RELCH: variants seen among roughly 807,000 people sequenced by gnomAD.
RELCH encodes the protein RAB11-binding protein RELCH.
In RELCH, 41 loss-of-function variants were observed where a neutral mutation model predicts 150.3. The observed-to-expected ratio is 0.27, with a 90% confidence interval of 0.21 to 0.35. RELCH has a LOEUF of 0.35. Among genes scored for constraint, RELCH ranks in the 10% least tolerant of loss-of-function variants. The probability of loss-of-function intolerance (pLI) is 1.00; values close to 1 mark genes in which losing one functional copy is unlikely to be tolerated. For synonymous variants in RELCH, 478 were observed against 531.8 expected, an observed-to-expected ratio of 0.90 and a Z score of 1.39; for missense variants, 1,092 against 1,467.8, an observed-to-expected ratio of 0.74 and a Z score of 4.18.
intron 20 of RELCH, among the ~76,000 whole-genome samples, chr18:62,273,687 C>A (rs994224353): frequency 6.6e-6 from 1 of 152,108 alleles, no homozygotes; most frequent in African/African-American, 2.4e-5. Context: ...GACTGAGGAA[C>A]TGAATCTTTC....
In RELCH at chr18:62,248,613, T is replaced by TC. The variant is rs1386190457; in HGVS notation, c.1733+3740dup. ...GATTTCTCCTAAACATTCCCCTTTT[T>TC]CCCACAGATGAACTAGATACATTAT... is the stretch of plus-strand genomic sequence containing the variant. On this transcript the variant is annotated intron_variant, in intron 11 of 28. Transcript: ENST00000644646. 7.9e-5 allele frequency among the ~76,000 whole-genome samples: 12 copies of TC among 152,298 alleles called. No homozygotes were observed. The South Asian group carries it at 2.5e-3, about 32-fold the overall frequency.
Position 62,257,996 on chromosome 18 carries a change from A to C in RELCH, c.1945A>C (p.Met649Leu). 2 of 1,608,034 alleles carry C rather than the reference A, an allele frequency of 1.2e-6. No homozygotes were observed. The highest frequency in any genetic ancestry group is 1.1e-5 in the South Asian group (1 of 89,836). The part of the protein sequence containing the change: ...LVLSMLQQML[M>L]EDKADLVREA... ...TCTTTCAATGTTGCAACAAATGTTA[A>C]TGGAAGATAAGGCAGATTTGGTAAG... Residue 649 changes from methionine to leucine, a missense_variant, in exon 14 of 29, where the codon ATG becomes CTG. This residue lies in a region of RELCH where 707 missense variants were observed against 1,025.4 expected (regional missense o/e 0.69). Coordinates refer to ENST00000644646, the MANE Select transcript of RELCH (RefSeq NM_001346231.2).
chr18:62,253,576 T>C (rs566999170), intron 12 of RELCH, among the ~76,000 whole-genome samples: 1 of 152,248 alleles, frequency 6.6e-6, no homozygotes, highest in East Asian at 1.9e-4. Flanking sequence ...CATGGCTTTA[T>C]TTACAATAGC....
Position 62,187,670 on chromosome 18 carries a change from G to C in RELCH, c.165G>C (p.Leu55=). 6.4e-7 allele frequency: 1 copy of C among 1,566,612 alleles called. No individual in the cohort carries two copies. Among genetic ancestry groups the C allele is most frequent in the Non-Finnish European group, 8.7e-7 (1 of 1,152,946 alleles). Residue 55 remains leucine, a synonymous_variant, in exon 1 of 29, where the codon CTG becomes CTC. Transcript: ENST00000644646. ...SGLDPGSAGS[L]SPQDPVALGS... is the part of the protein sequence containing the mutation. ...TAGATCCTGGCTCTGCGGGCTCGCT[G>C]TCGCCACAGGATCCCGTGGCCTTAG...
chr18:62,270,631 C>T (rs2043841797), intron 20 of RELCH, among the ~76,000 whole-genome samples: 1 of 151,904 alleles, frequency 6.6e-6, no homozygotes, highest in Admixed American at 6.6e-5. Flanking sequence ...ATTTATTGTA[C>T]TCTTCTTTCT....
chr18:62,303,454 T>C (rs1373804143), intron 28 of RELCH, among the ~76,000 whole-genome samples: 1 of 152,204 alleles, frequency 6.6e-6, no homozygotes, highest in African/African-American at 2.4e-5. Context: ...GTTTCCAGAC[T>C]CCTTAACATC....
intron 2 of RELCH, among the ~76,000 whole-genome samples, chr18:62,212,741 A>G (rs897538399): frequency 6.6e-6 from 1 of 152,226 alleles, no homozygotes; most frequent in African/African-American, 2.4e-5. Flanking sequence ...AAATCCACAT[A>G]GCCCAGGAAC....
chr18:62,220,101 A>G (rs992215384), intron 2 of RELCH, among the ~76,000 whole-genome samples: 4 of 152,082 alleles, frequency 2.6e-5, no homozygotes, highest in African/African-American at 4.8e-5. Flanking sequence ...TGTTTCCTCA[A>G]TATTCATATT....
At chr18:62,240,311 A>C (rs1019991796) in intron 10 of RELCH, among the ~76,000 whole-genome samples, 2 of 152,020 alleles carry the variant, frequency 1.3e-5, no homozygotes, top group Admixed American at 6.6e-5. Context: ...TGTGCAAAAG[A>C]ATTATCTTGA....
chr18:62,284,813 A>G (rs545467497), intron 25 of RELCH, among the ~76,000 whole-genome samples: 36 of 152,206 alleles, frequency 2.4e-4, no homozygotes, highest in Non-Finnish European at 8.8e-5. Flanking sequence ...TTCTTTCCCA[A>G]TTGTTAGTTA....
chr18:62,209,186 A>T (rs1198912954), intron 1 of RELCH, among the ~76,000 whole-genome samples: 3 of 152,206 alleles, frequency 2.0e-5, no homozygotes, highest in Non-Finnish European at 4.4e-5. Context: ...TGCTTACAAC[A>T]TTGCTAATGC....
chr18:62,220,532 G>A (rs547465527), intron 2 of RELCH, among the ~76,000 whole-genome samples: 5 of 151,408 alleles, frequency 3.3e-5, no homozygotes, highest in East Asian at 1.9e-4. Flanking sequence ...GTCTCTATAC[G>A]TTGATTTATA....
rs1249143345 is a variant in RELCH at position 62,221,068 on chromosome 18, G to A, written c.648G>A (p.Glu216=). 6.2e-7 allele frequency: 1 copy of A among 1,613,392 alleles called. No individual in the cohort carries two copies. Among genetic ancestry groups the A allele is most frequent in the Admixed American group, 1.7e-5 (1 of 59,930 alleles). ...VLEFELRKAK[E]TIQALRANLT... Reference sequence around the variant, plus strand: ...AGTTTGAACTACGGAAAGCCAAGGAGACCATTCAGGCCCTCCGAGCCAACC... The same window carrying A: ...AGTTTGAACTACGGAAAGCCAAGGAAACCATTCAGGCCCTCCGAGCCAACC... Residue 216 remains glutamate (E), a synonymous_variant, in exon 3 of 29, where the codon GAG becomes GAA. Coordinates refer to ENST00000644646, the MANE Select transcript of RELCH (RefSeq NM_001346231.2).
At chr18:62,241,939 A>G (rs1233312617) in intron 10 of RELCH, among the ~76,000 whole-genome samples, 1 of 152,224 alleles carries the variant, frequency 6.6e-6, no homozygotes, top group Non-Finnish European at 1.5e-5. Flanking sequence ...GTTATAAATA[A>G]ATGGATAATT....
intron 1 of RELCH, among the ~76,000 whole-genome samples, chr18:62,190,064 T>C (rs1228928678): frequency 1.3e-5 from 2 of 152,186 alleles, no homozygotes; most frequent in African/African-American, 4.8e-5. Flanking sequence ...CCACCAATGG[T>C]ATTTGCTTTT....
Position 62,228,394 on chromosome 18 carries a change from A to T in RELCH, c.1244A>T (p.Asp415Val). ...CCTTTGGATCAGTTGCCCCACAAAG[A>T]CTCTGAGGACAGTGGACAGCATCCA... ...QPPLDQLPHK[D>V]SEDSGQHPDV... Residue 415 changes from aspartate (D) to valine (V), a missense_variant, in exon 8 of 29, where the codon GAC (aspartate) becomes GTC (valine). By Grantham distance (152) the Asp-to-Val change is radical. Transcript: ENST00000644646. 1 of 1,613,290 alleles carries T rather than the reference A, an allele frequency of 6.2e-7. No individual in the cohort carries two copies. Among genetic ancestry groups the T allele is most frequent in the South Asian group, 1.1e-5 (1 of 91,064 alleles).
Position 62,305,045 on chromosome 18 carries a change from T to A in RELCH, c.3531-369T>A, listed in dbSNP as rs1188988917. The stretch of plus-strand genomic sequence containing the variant: ...CTAACAATTACATCATGCTATTATG[T>A]GCCTAGCACTATACTGAGCACTTTA... On this transcript the variant is annotated intron_variant, in intron 28 of 28. Transcript: ENST00000644646. The surrounding 1 kb of genome is among the most constrained non-coding windows in gnomAD (Gnocchi z 4.0). Among the ~76,000 whole-genome samples, 1 of 152,258 alleles carries A rather than the reference T, an allele frequency of 6.6e-6. No individual in the cohort carries two copies. Among genetic ancestry groups the A allele is most frequent in the African/African-American group, 2.4e-5 (1 of 41,468 alleles).
At chr18:62,220,948 C>A in intron 2 of RELCH, 89 bp from the exon 3 acceptor site, 1 of 982,286 alleles carries the variant, frequency 1.0e-6, no homozygotes, top group Non-Finnish European at 1.6e-6. Flanking sequence ...ATTTTTTTTT[C>A]ATACCCATCC....
Position 62,307,575 on chromosome 18 carries a change from G to C in RELCH, c.*2041G>C, listed in dbSNP as rs1483464916. The C allele has an allele frequency of 6.6e-6, 1 of 151,866 alleles. No individual in the cohort carries two copies. The highest frequency in any genetic ancestry group is 1.5e-5 in the Non-Finnish European group (1 of 67,902). The allele number at this position is 151,866 out of a possible 1,614,324, so 9.4% of individuals were successfully genotyped here. On this transcript the variant is annotated 3_prime_UTR_variant, in exon 29 of 29. Coordinates refer to ENST00000644646, the MANE Select transcript of RELCH (RefSeq NM_001346231.2). ...TTGTGGTTTTGTTTTTTGTTTGTTT[G>C]TTTGTTTTTAGTAAAATATGTCTTG...
Sources: allele counts gnomAD v4.1 joint callset (sites outside exome capture counted in the v4.1 genomes callset), GRCh38; gene constraint gnomAD v4.1.1; regional missense constraint gnomAD v4.1.1; non-coding constraint Gnocchi (gnomAD v3.1); transcripts MANE v1.5; gene names NCBI Gene and HGNC (gene_info 2026-07-23, HGNC 2026-07-21).